UBE2N: variants seen among roughly 807,000 people sequenced by gnomAD.
The protein encoded by UBE2N is ubiquitin conjugating enzyme E2 N, also known as ubiquitin-conjugating enzyme E2 N.
For missense variants in UBE2N, 60 were observed against 192.1 expected (o/e 0.31, Z 4.07); for synonymous variants, 70 against 69.2 (o/e 1.01, Z -0.06).
intron 1 of UBE2N, among the ~76,000 whole-genome samples, chr12:93,425,041 C>T (rs1252727840): frequency 6.6e-6 from 1 of 152,176 alleles, no homozygotes; most frequent in Non-Finnish European, 1.5e-5. Flanking sequence ...AGCATCTTTG[C>T]AAAGTCAGAA....
intron 1 of UBE2N, among the ~76,000 whole-genome samples, chr12:93,437,211 T>G (rs2121100911): frequency 6.6e-6 from 1 of 152,154 alleles, no homozygotes; most frequent in South Asian, 2.1e-4. Flanking sequence ...AACACTATGA[T>G]GCATGTCTGT....
At chr12:93,429,817 A>C (rs548237961) in intron 1 of UBE2N, among the ~76,000 whole-genome samples, 1 of 152,322 alleles carries the variant, frequency 6.6e-6, no homozygotes, top group Non-Finnish European at 1.5e-5. Flanking sequence ...AGCTTATAGG[A>C]TATAAAGAAA....
Position 93,441,926 on chromosome 12 carries a change from T to A in UBE2N, c.-42A>T. The A allele has an allele frequency of 6.4e-7, 1 of 1,553,158 alleles. No individual in the cohort carries two copies. The highest frequency in any genetic ancestry group is 1.4e-5 in the African/African-American group (1 of 70,478). On this transcript the variant is annotated 5_prime_UTR_variant, in exon 1 of 4. Transcript: ENST00000318066. ...TTCGGCCTCTGGTCTCGTCTCCGGC[T>A]CCTCTCGCCTCACGCACGAGTGGAA... is the stretch of plus-strand genomic sequence containing the variant.
chr12:93,436,054 G>A (rs1878925426), intron 1 of UBE2N, among the ~76,000 whole-genome samples: 1 of 152,028 alleles, frequency 6.6e-6, no homozygotes, highest in Non-Finnish European at 1.5e-5. Context: ...AACCCCTAGG[G>A]TAAGTTAACT....
intron 1 of UBE2N, among the ~76,000 whole-genome samples, chr12:93,439,274 G>A (rs902327142): frequency 6.6e-6 from 1 of 152,274 alleles, no homozygotes; most frequent in East Asian, 1.9e-4. Flanking sequence ...ATTGTGTGAG[G>A]TCAAGAGTTT....
intron 1 of UBE2N, among the ~76,000 whole-genome samples, chr12:93,422,328 T>C (rs977430919): frequency 2.0e-5 from 3 of 152,166 alleles, no homozygotes; most frequent in African/African-American, 7.2e-5. Flanking sequence ...GCTCAAAAAA[T>C]AAAAATAAGA....
intron 1 of UBE2N, among the ~76,000 whole-genome samples, chr12:93,422,429 AAAAG>A (rs1376783436): frequency 6.6e-6 from 1 of 152,234 alleles, no homozygotes; most frequent in African/African-American, 2.4e-5. Flanking sequence ...ATGCTGAATG[AAAAG>A]AAAGGACCTA....
At chr12:93,418,557 A>G (rs1056352903) in intron 1 of UBE2N, among the ~76,000 whole-genome samples, 1 of 137,024 alleles carries the variant, frequency 7.3e-6, no homozygotes, top group African/African-American at 3.6e-5. Flanking sequence ...GATTAGAAAT[A>G]GAACCAAAGT....
intron 1 of UBE2N, among the ~76,000 whole-genome samples, chr12:93,425,228 G>A (rs1180328666): frequency 6.6e-6 from 1 of 152,174 alleles, no homozygotes; most frequent in East Asian, 1.9e-4. Flanking sequence ...AAACTCAAGA[G>A]TCTGGCCTCA....
intron 1 of UBE2N, among the ~76,000 whole-genome samples, chr12:93,438,297 A>C (rs1391935769): frequency 3.9e-5 from 6 of 152,014 alleles, no homozygotes; most frequent in Non-Finnish European, 8.8e-5. Context: ...AGAAAGGGAG[A>C]TAGGAGGATA....
chr12:93,425,386 T>C (rs763851361), intron 1 of UBE2N, among the ~76,000 whole-genome samples: 3 of 152,188 alleles, frequency 2.0e-5, no homozygotes, highest in African/African-American at 4.8e-5. Flanking sequence ...TGAAAGTCAA[T>C]TGTCAATTAA....
At position 93,407,769 on chromosome 12, in the gene UBE2N, A is replaced by G. The variant is rs1480306240; in HGVS notation, c.*2270T>C. The G allele has an allele frequency of 2.0e-5, 3 of 152,198 alleles. No homozygotes were observed. Among genetic ancestry groups the G allele is most frequent in the African/African-American group, 7.2e-5 (3 of 41,448 alleles). The allele number at this position is 152,198 out of a possible 1,614,324, so 9.4% of individuals were successfully genotyped here. A position where few individuals can be genotyped will look rare whatever the true frequency, so the allele number is the denominator to read the frequency against. Reference sequence around the variant, plus strand: ...GAAAACAGGCCCAAAGGCCAGGTGAAGCTGCAGTTTTCAACTGCTGCCTTG... The same window carrying G: ...GAAAACAGGCCCAAAGGCCAGGTGAGGCTGCAGTTTTCAACTGCTGCCTTG... On this transcript the variant is annotated 3_prime_UTR_variant, in exon 4 of 4. Transcript: ENST00000318066.
intron 1 of UBE2N, among the ~76,000 whole-genome samples, chr12:93,428,613 A>C (rs772850016): frequency 1.3e-5 from 2 of 152,206 alleles, no homozygotes; most frequent in Non-Finnish European, 2.9e-5. Context: ...CACACATATG[A>C]CCAGTGTTTC....
At position 93,407,652 on chromosome 12, in the gene UBE2N, C is replaced by A. The variant is rs12816436; in HGVS notation, c.*2387G>T. 1.3e-4 allele frequency: 20 copies of A among 152,188 alleles called. No individual in the cohort carries two copies. Among genetic ancestry groups the A allele is most frequent in the African/African-American group, 4.6e-4 (19 of 41,504 alleles). The allele number at this position is 152,188 out of a possible 1,614,324, so 9.4% of individuals were successfully genotyped here. On this transcript the variant is annotated 3_prime_UTR_variant, in exon 4 of 4. Coordinates refer to ENST00000318066, the MANE Select transcript of UBE2N (RefSeq NM_003348.4). ...ATCTTCAGATCATTCAAAAGTTACC[C>A]GAATTCTGGATTTTCATGCAAATCT...
chr12:93,432,015 C>T (rs888126503), intron 1 of UBE2N, among the ~76,000 whole-genome samples: 23 of 152,264 alleles, frequency 1.5e-4, no homozygotes, highest in African/African-American at 4.8e-4. Context: ...GGGCGGATCA[C>T]GAGGTCAGGA....
At chr12:93,429,778 T>C (rs1306048752) in intron 1 of UBE2N, among the ~76,000 whole-genome samples, 2 of 152,028 alleles carry the variant, frequency 1.3e-5, no homozygotes, top group Non-Finnish European at 2.9e-5. Context: ...CACAAAAAAG[T>C]TTTTTTAAAA....
chr12:93,424,291 A>G (rs1878508491), intron 1 of UBE2N: 1 of 152,180 alleles, frequency 6.6e-6, no homozygotes, highest in African/African-American at 2.4e-5. Flanking sequence ...TCTTCAGGTT[A>G]CTTCTGGTTT....
rs542860298 is a variant in UBE2N, at chr12:93,406,804, T to A, written c.*3235A>T. On this transcript the variant is annotated 3_prime_UTR_variant, in exon 4 of 4. Coordinates refer to ENST00000318066, the MANE Select transcript of UBE2N (RefSeq NM_003348.4). ...TCCAGAGACTTGAGCATCTGCGAATTTGGATATCCAAAGGAAGTCCTAGAA... is the reference window on the plus strand; with the variant it reads ...TCCAGAGACTTGAGCATCTGCGAATATGGATATCCAAAGGAAGTCCTAGAA... The A allele has an allele frequency of 2.6e-5, 4 of 152,310 alleles. No individual in the cohort carries two copies. Among genetic ancestry groups the A allele is most frequent in the African/African-American group, 7.2e-5 (3 of 41,574 alleles). The allele number at this position is 152,310 out of a possible 1,614,324, so 9.4% of individuals were successfully genotyped here.
intron 3 of UBE2N, 171 bp downstream of exon 3, chr12:93,410,563 G>A: frequency 1.1e-6 from 1 of 922,494 alleles, no homozygotes; most frequent in South Asian, 1.8e-5. Context: ...TATATTTGGG[G>A]GGTCCCATAG....
Sources: gnomAD v4.1 joint callset for allele counts (sites outside exome capture counted in the v4.1 genomes callset) on GRCh38, gnomAD v4.1.1 for gene constraint, MANE v1.5 for transcripts, NCBI Gene and HGNC (gene_info 2026-07-23, HGNC 2026-07-21) for gene names.